Variants in RAP1B observed in about 807,000 individuals in gnomAD.
The protein encoded by RAP1B is ras-related protein Rap-1b.
RAP1B carries 1 observed loss-of-function variant against 27.5 expected under a neutral mutation model. The ratio of observed to expected loss-of-function variants is 0.04; its 90% confidence interval spans 0.01 to 0.17. RAP1B has a LOEUF of 0.17. RAP1B is among the 10% of genes least tolerant of loss of function. RAP1B has a pLI of 1.00. For missense variants in RAP1B, 84 were observed against 214.8 expected, an observed-to-expected ratio of 0.39 and a Z score of 3.81; for synonymous variants, 75 against 73.1, an observed-to-expected ratio of 1.03 and a Z score of -0.13.
chr12:68,625,635 G>A (rs982568749), intron 1 of RAP1B, among the ~76,000 whole-genome samples: 1 of 152,144 alleles, frequency 6.6e-6, no homozygotes, highest in Non-Finnish European at 1.5e-5. Context: ...TAAAGTTTCA[G>A]ATGAGGCTGG....
At chr12:68,652,673 C>T (rs977273368) in intron 4 of RAP1B, among the ~76,000 whole-genome samples, 1 of 151,860 alleles carries the variant, frequency 6.6e-6, no homozygotes, top group African/African-American at 2.4e-5. Flanking sequence ...AAAAAATTAG[C>T]CGGGCGTGGT....
intron 3 of RAP1B, 76 bp downstream of exon 3, chr12:68,650,544 G>A (rs1353045158): frequency 8.4e-7 from 1 of 1,187,588 alleles, no homozygotes; most frequent in Non-Finnish European, 1.1e-6. Flanking sequence ...ATTATTGAAT[G>A]TTTTATACAA....
chr12:68,658,897 A>T (rs1281282193), intron 7 of RAP1B, among the ~76,000 whole-genome samples: 1 of 152,220 alleles, frequency 6.6e-6, no homozygotes, highest in Non-Finnish European at 1.5e-5. Flanking sequence ...TAAACACAGG[A>T]TCACCCAGTT....
intron 1 of RAP1B, among the ~76,000 whole-genome samples, chr12:68,638,821 C>T (rs1225887789): frequency 1.3e-5 from 2 of 151,986 alleles, no homozygotes; most frequent in African/African-American, 2.4e-5. Context: ...CCACCAAACC[C>T]GACTGATTTT....
chr12:68,632,988 A>G (rs1265034685), intron 1 of RAP1B, among the ~76,000 whole-genome samples: 1 of 152,144 alleles, frequency 6.6e-6, no homozygotes, highest in Non-Finnish European at 1.5e-5. Context: ...CGATTTTTAT[A>G]TGTTATGGTT....
At position 68,622,500 on chromosome 12, in the gene RAP1B, T is replaced by C. The variant is rs185039104; in HGVS notation, c.-27+11457T>C. On this transcript the variant is annotated intron_variant, in intron 1 of 7. Coordinates refer to ENST00000250559, the MANE Select transcript of RAP1B (RefSeq NM_001010942.3). ...CTCACTAAGCTCTAGCCAGCTGTAC[T>C]TCTTTCTGTGACAATCTTTTGCCAG... is the stretch of plus-strand genomic sequence containing the variant. 3.3e-5 allele frequency among the ~76,000 whole-genome samples: 5 copies of C among 152,346 alleles called. No homozygotes were observed. The East Asian group carries it at 7.7e-4, about 23-fold the overall frequency.
intron 1 of RAP1B, among the ~76,000 whole-genome samples, chr12:68,628,604 A>G (rs1003026394): frequency 2.0e-5 from 3 of 152,090 alleles, no homozygotes; most frequent in Admixed American, 6.5e-5. Flanking sequence ...AGAGAAAAGT[A>G]CAAGAATGAG....
In RAP1B at chr12:68,616,438, A is replaced by ATT. The variant is rs142174644; in HGVS notation, c.-27+5420_-27+5421dup. Among the ~76,000 whole-genome samples the ATT allele has an allele frequency of 1.3e-3, 117 of 89,460 alleles. 4 individuals are homozygous for ATT. Among genetic ancestry groups the ATT allele is most frequent in the African/African-American group, 2.7e-3 (52 of 19,590 alleles). 58.7% of individuals were successfully genotyped at this position (89,460 alleles called of 152,430 possible). ...TAGCTGGGAATACTGTGCCTGGCTA[A>ATT]TTTTTTTTTTTTTTTTTTTTTTTTT... is the stretch of plus-strand genomic sequence containing the variant. On this transcript the variant is annotated intron_variant, in intron 1 of 7. Transcript: ENST00000250559.
At chr12:68,653,176 T>C (rs1339482164) in intron 4 of RAP1B, among the ~76,000 whole-genome samples, 2 of 152,212 alleles carry the variant, frequency 1.3e-5, no homozygotes, top group African/African-American at 4.8e-5. Flanking sequence ...ACCACTGCAC[T>C]CCAGCTTGGG....
intron 1 of RAP1B, among the ~76,000 whole-genome samples, chr12:68,617,992 A>T (rs1017460720): frequency 2.0e-5 from 3 of 149,456 alleles, no homozygotes; most frequent in African/African-American, 2.5e-5. Flanking sequence ...TGAACTCCTG[A>T]GCTCAAGTAA....
intron 1 of RAP1B, among the ~76,000 whole-genome samples, chr12:68,636,085 A>G (rs561979760): frequency 1.3e-5 from 2 of 150,948 alleles, no homozygotes; most frequent in Admixed American, 6.6e-5. Context: ...GGGCTTCACC[A>G]TATTGGCCAG....
chr12:68,632,283 G>A (rs1872325038), intron 1 of RAP1B, among the ~76,000 whole-genome samples: 1 of 151,812 alleles, frequency 6.6e-6, no homozygotes, highest in Admixed American at 6.6e-5. Flanking sequence ...ACAGGTGTGT[G>A]TGAACATACC....
chr12:68,617,496 T>A (rs1157395495), intron 1 of RAP1B, among the ~76,000 whole-genome samples: 1 of 152,254 alleles, frequency 6.6e-6, no homozygotes, highest in Non-Finnish European at 1.5e-5. Flanking sequence ...GTGTACTGAT[T>A]TGTATTTATA....
chr12:68,658,650 C>G (rs1360397076), intron 7 of RAP1B, among the ~76,000 whole-genome samples: 1 of 151,610 alleles, frequency 6.6e-6, no homozygotes, highest in Non-Finnish European at 1.5e-5. Flanking sequence ...GTAATACCAC[C>G]TTTTTCTGAC....
chr12:68,622,742 C>T (rs1286748687), intron 1 of RAP1B, among the ~76,000 whole-genome samples: 1 of 152,236 alleles, frequency 6.6e-6, no homozygotes, highest in Non-Finnish European at 1.5e-5. Context: ...CCACCACTAT[C>T]TCAAATGGTT....
At chr12:68,654,933 C>T (rs1874093754) in intron 5 of RAP1B, among the ~76,000 whole-genome samples, 1 of 152,140 alleles carries the variant, frequency 6.6e-6, no homozygotes, top group African/African-American at 2.4e-5. Flanking sequence ...CTCAGAGCTT[C>T]TGATTCAGTA....
intron 1 of RAP1B, among the ~76,000 whole-genome samples, chr12:68,635,172 G>C (rs1872546856): frequency 6.6e-6 from 1 of 152,120 alleles, no homozygotes; most frequent in Admixed American, 6.6e-5. Flanking sequence ...TTCCTTGTTA[G>C]AAGTTTTATT....
chr12:68,612,552 A>C (rs2135903504), intron 1 of RAP1B, among the ~76,000 whole-genome samples: 1 of 152,364 alleles, frequency 6.6e-6, no homozygotes, highest in African/African-American at 2.4e-5. Flanking sequence ...GTCTATCCGT[A>C]AGAGACAACA....
In RAP1B at chr12:68,611,747, C is replaced by G. The variant is rs563073239; in HGVS notation, c.-27+704C>G. Among the ~76,000 whole-genome samples the G allele has an allele frequency of 2.0e-5, 3 of 152,270 alleles. No homozygotes were observed. In the East Asian group the frequency reaches 5.8e-4, roughly 29 times the overall value. On this transcript the variant is annotated intron_variant, in intron 1 of 7. Coordinates refer to ENST00000250559, the MANE Select transcript of RAP1B (RefSeq NM_001010942.3). ...GAGAAAAACTGTTAAAGGGGCCTTT[C>G]CCTTCGTCAGCAAGAGGAAATCTCT...
Sources: allele counts gnomAD v4.1 joint callset (sites outside exome capture counted in the v4.1 genomes callset), GRCh38; gene constraint gnomAD v4.1.1; transcripts MANE v1.5; gene names NCBI Gene and HGNC (gene_info 2026-07-23, HGNC 2026-07-21).